Variants in LRCH1 observed in about 807,000 individuals in gnomAD.
The protein encoded by LRCH1 is leucine rich repeats and calponin homology domain containing 1, also known as leucine-rich repeat and calponin homology domain-containing protein 1.
A neutral mutation model predicts 94.9 loss-of-function variants in LRCH1; 23 were observed. That is an observed-to-expected ratio of 0.24 (90% CI 0.17 to 0.34). LRCH1 has a LOEUF of 0.34. LRCH1 is among the 10% of genes least tolerant of loss of function. The pLI is 1.00. For synonymous variants in LRCH1, 364 were observed against 354.9 expected, an observed-to-expected ratio of 1.03 and a Z score of -0.29; for missense variants, 790 against 945.9, an observed-to-expected ratio of 0.84 and a Z score of 2.16.
At chr13:46,677,255 CA>C (rs67827727) in intron 3 of LRCH1, among the ~76,000 whole-genome samples, 43,831 of 98,180 alleles carry the variant, frequency 0.45, 7,641 homozygotes, top group South Asian at 0.6. Flanking sequence ...ACTAAAAATA[CA>C]AAAAAAAAAA....
chr13:46,651,684 T>C (rs1201713869), intron 2 of LRCH1, among the ~76,000 whole-genome samples: 1 of 147,826 alleles, frequency 6.8e-6, no homozygotes, highest in African/African-American at 2.5e-5. Context: ...AGAGTTTAAG[T>C]TGCATTTCTG....
chr13:46,557,016 A>G (rs77877979), intron 1 of LRCH1, among the ~76,000 whole-genome samples: 14,531 of 152,272 alleles, frequency 0.095, 813 homozygotes, highest in Middle Eastern at 0.2. Context: ...TAGATGGAAT[A>G]TCTTTGTTTT....
At chr13:46,637,682 A>T (rs2051108469) in intron 1 of LRCH1, among the ~76,000 whole-genome samples, 1 of 150,790 alleles carries the variant, frequency 6.6e-6, no homozygotes, top group Non-Finnish European at 1.5e-5. Context: ...CACCCTGTTT[A>T]AAGTTGCCAC....
chr13:46,730,652 A>C (rs1378681420), intron 18 of LRCH1, among the ~76,000 whole-genome samples: 1 of 152,222 alleles, frequency 6.6e-6, no homozygotes, highest in Non-Finnish European at 1.5e-5. Flanking sequence ...TTCTTTTACA[A>C]ATCTACCTCT....
chr13:46,632,103 T>C (rs2051024995), intron 1 of LRCH1, among the ~76,000 whole-genome samples: 1 of 152,024 alleles, frequency 6.6e-6, no homozygotes, highest in Non-Finnish European at 1.5e-5. Context: ...CTCAGGAGGC[T>C]GAGGCAGCAG....
At chr13:46,595,542 C>T (rs2050551839) in intron 1 of LRCH1, among the ~76,000 whole-genome samples, 1 of 152,194 alleles carries the variant, frequency 6.6e-6, no homozygotes, top group Non-Finnish European at 1.5e-5. Flanking sequence ...GACATCTGTT[C>T]CCCCCTGAGC....
At chr13:46,736,235 G>A (rs974747810) in intron 19 of LRCH1, among the ~76,000 whole-genome samples, 6 of 151,976 alleles carry the variant, frequency 3.9e-5, no homozygotes, top group African/African-American at 1.5e-4. Flanking sequence ...TAGACAAAAA[G>A]TGTGTTAACA....
chr13:46,685,748 A>G (rs1275384932), intron 4 of LRCH1, among the ~76,000 whole-genome samples, 157 bp from the exon 5 acceptor site: 3 of 152,236 alleles, frequency 2.0e-5, no homozygotes, highest in Non-Finnish European at 4.4e-5. Flanking sequence ...AATGTTATGT[A>G]CACACACCAT....
chr13:46,582,149 C>A (rs78955241), intron 1 of LRCH1, among the ~76,000 whole-genome samples: 827 of 104,390 alleles, frequency 7.9e-3, no homozygotes, highest in Middle Eastern at 0.014. Context: ...GACTCCATCT[C>A]AAAAAAAAAA....
chr13:46,706,817 G>A (rs1871786080), intron 13 of LRCH1, among the ~76,000 whole-genome samples: 1 of 152,066 alleles, frequency 6.6e-6, no homozygotes, highest in Admixed American at 6.5e-5. Context: ...TGTAAAATTA[G>A]ATTTACTAGT....
intron 19 of LRCH1, among the ~76,000 whole-genome samples, chr13:46,735,405 T>C (rs1381718501): frequency 3.3e-5 from 5 of 152,248 alleles, no homozygotes; most frequent in African/African-American, 9.6e-5. Flanking sequence ...TAGAAAGCAC[T>C]TCATCAGTGC....
intron 18 of LRCH1, among the ~76,000 whole-genome samples, chr13:46,729,890 C>T (rs1873014599): frequency 6.6e-6 from 1 of 152,134 alleles, no homozygotes; most frequent in Admixed American, 6.5e-5. Context: ...ATGCTGGGGA[C>T]GTAGTGGGGA....
chr13:46,686,027 T>G lies in LRCH1; in HGVS notation c.808T>G (p.Ser270Ala), dbSNP rs768083426. The G allele has an allele frequency of 1.2e-6, 2 of 1,600,260 alleles. No homozygotes were observed. The highest frequency in any genetic ancestry group is 4.5e-5 in the East Asian group (2 of 44,372). The stretch of plus-strand genomic sequence containing the variant: ...ACTACTTGAGAATAACCCTCTGCAG[T>G]CTCCTCCAGCACAGGTGAGGGGTCT... ...VLLLENNPLQ[S>A]PPAQICTKGK... The change falls in exon 5 of 20, where the codon TCT becomes GCT. Residue 270 changes from serine (S) to alanine (A), a missense_variant. Transcript: ENST00000389797.
At chr13:46,724,198 G>C (rs1195940779) in intron 17 of LRCH1, among the ~76,000 whole-genome samples, 1 of 152,018 alleles carries the variant, frequency 6.6e-6, no homozygotes, top group East Asian at 1.9e-4. Context: ...TTACAGGTAT[G>C]AGCCACCGCA....
chr13:46,668,936 T>C (rs964521473), intron 2 of LRCH1, 94 bp from the exon 3 acceptor site: 2 of 1,336,646 alleles, frequency 1.5e-6, no homozygotes, highest in African/African-American at 2.9e-5. Context: ...TCTTCTCAGA[T>C]CACTCCTTTT....
Position 46,611,561 on chromosome 13 carries a change from C to A in LRCH1, c.308-38640C>A, listed in dbSNP as rs539514920. Reference sequence around the variant, plus strand: ...TGATATCCAATATATATGATTGGAACAACTTGAATATGTGAGCTTACCTTT... The same window carrying A: ...TGATATCCAATATATATGATTGGAAAAACTTGAATATGTGAGCTTACCTTT... On this transcript the variant is annotated intron_variant, in intron 1 of 19. Coordinates refer to ENST00000389797, the MANE Select transcript of LRCH1 (RefSeq NM_001164211.2). Among the ~76,000 whole-genome samples, 6 of 152,274 alleles carry A rather than the reference C, an allele frequency of 3.9e-5. No individual in the cohort carries two copies. The South Asian group carries it at 1.2e-3, about 32-fold the overall frequency.
intron 5 of LRCH1, among the ~76,000 whole-genome samples, chr13:46,686,625 A>G (rs540479988): frequency 6.6e-6 from 1 of 152,254 alleles, no homozygotes. Context: ...GAGGGGCAGG[A>G]GGGCAGGAGA....
chr13:46,558,723 ACT>A (rs553418138), intron 1 of LRCH1, among the ~76,000 whole-genome samples: 1,707 of 152,050 alleles, frequency 0.011, 14 homozygotes, highest in Middle Eastern at 0.024. Context: ...ACAGAACAAG[ACT>A]CTGTCTCAAA....
chr13:46,676,224 G>T (rs112338404), intron 3 of LRCH1, among the ~76,000 whole-genome samples: 1 of 151,846 alleles, frequency 6.6e-6, no homozygotes. Flanking sequence ...TTGCGCCACC[G>T]CACTCCAGCC....
Sources: gnomAD v4.1 joint callset for allele counts (sites outside exome capture counted in the v4.1 genomes callset) on GRCh38, gnomAD v4.1.1 for gene constraint, MANE v1.5 for transcripts, NCBI Gene and HGNC (gene_info 2026-07-23, HGNC 2026-07-21) for gene names.